EXOC4: variants seen among roughly 807,000 people sequenced by gnomAD.
The protein encoded by EXOC4 is SEC8-like 1.
EXOC4 carries 71 observed loss-of-function variants against 107.2 expected under a neutral mutation model. The ratio of observed to expected loss-of-function variants is 0.66; its 90% CI spans 0.55 to 0.81. The LOEUF is 0.81. Ranked by LOEUF, EXOC4 falls within the 30% of genes least tolerant of loss-of-function variation. The probability of loss-of-function intolerance (pLI) is 0.00; values close to 1 mark genes in which losing one functional copy is unlikely to be tolerated. For synonymous variants in EXOC4, 456 were observed against 441.2 expected, an observed-to-expected ratio of 1.03 and a Z score of -0.42; for missense variants, 1,108 against 1,189.6, an observed-to-expected ratio of 0.93 and a Z score of 1.01.
At chr7:133,892,807 G>C (rs531292176) in intron 11 of EXOC4, among the ~76,000 whole-genome samples, 4 of 145,188 alleles carry the variant, frequency 2.8e-5, no homozygotes, top group East Asian at 2.0e-4. Flanking sequence ...GTTATAATTT[G>C]TGTTCTTTTA....
chr7:134,069,922 G>C (rs1382028348), downstream of EXOC4, among the ~76,000 whole-genome samples: 1 of 152,212 alleles, frequency 6.6e-6, no homozygotes, highest in Non-Finnish European at 1.5e-5. Flanking sequence ...TAACCAATGA[G>C]AGAGACCAGG....
chr7:133,378,362 T>C (rs1440338363), intron 7 of EXOC4, among the ~76,000 whole-genome samples: 1 of 148,374 alleles, frequency 6.7e-6, no homozygotes, highest in African/African-American at 2.5e-5. Context: ...TACCAGATGG[T>C]AACTTAGATC....
At chr7:133,429,063 G>A (rs1797792568) in intron 7 of EXOC4, among the ~76,000 whole-genome samples, 1 of 152,150 alleles carries the variant, frequency 6.6e-6, no homozygotes, top group South Asian at 2.1e-4. Context: ...GGCGTGGTTT[G>A]AGAATAGGGA....
intron 10 of EXOC4, among the ~76,000 whole-genome samples, chr7:133,701,266 C>T (rs10808272): frequency 0.98 from 149,396 of 152,298 alleles, 73,369 homozygotes; most frequent in Middle Eastern, 1. Flanking sequence ...CAAGAGACTT[C>T]ATAATTCAGC....
At chr7:134,092,602 A>T in the EXOC4 span, among the ~76,000 whole-genome samples, 2 of 152,256 alleles carry the variant, frequency 1.3e-5, no homozygotes, top group East Asian at 3.9e-4. Flanking sequence ...TTCATATCCC[A>T]CCAAAGTAAG....
chr7:133,581,294 CT>C (rs1475598381), intron 9 of EXOC4, among the ~76,000 whole-genome samples: 1 of 152,182 alleles, frequency 6.6e-6, no homozygotes, highest in Non-Finnish European at 1.5e-5. Context: ...AGGAACAGCA[CT>C]TGTTTTAAAC....
At chr7:134,062,112 A>G (rs918857429) in intron 17 of EXOC4, among the ~76,000 whole-genome samples, 5 of 152,196 alleles carry the variant, frequency 3.3e-5, no homozygotes, top group Admixed American at 2.0e-4. Context: ...TAAAACCACT[A>G]TAGAAAATTA....
the EXOC4 span, among the ~76,000 whole-genome samples, chr7:134,073,223 AAAAAAAAAAC>A: frequency 4.3e-5 from 2 of 46,528 alleles, no homozygotes; most frequent in Non-Finnish European, 7.0e-5. Flanking sequence ...AAAAAAAAAA[AAAAAAAAAAC>A]AACAAAGAAA....
intron 11 of EXOC4, among the ~76,000 whole-genome samples, chr7:133,882,936 C>G (rs976531953): frequency 6.6e-6 from 1 of 152,176 alleles, no homozygotes; most frequent in African/African-American, 2.4e-5. Flanking sequence ...GTTAACCTTA[C>G]AAATTCTGAA....
intron 9 of EXOC4, among the ~76,000 whole-genome samples, chr7:133,563,465 T>G (rs1800847654): frequency 6.6e-6 from 1 of 152,236 alleles, no homozygotes. Context: ...TTTCCAATGT[T>G]GCCTGGGTCA....
intron 9 of EXOC4, among the ~76,000 whole-genome samples, chr7:133,565,017 G>A (rs1800879181): frequency 6.6e-6 from 1 of 152,164 alleles, no homozygotes; most frequent in Admixed American, 6.6e-5. Flanking sequence ...AATCGAATTT[G>A]GTGAATAGTG....
At chr7:134,078,834 TA>T in the EXOC4 span, among the ~76,000 whole-genome samples, 132 of 152,358 alleles carry the variant, frequency 8.7e-4, no homozygotes, top group Non-Finnish European at 1.3e-3. Flanking sequence ...ATTATTTTCA[TA>T]GGGGATATAG....
At chr7:133,351,458 A>G (rs1170118177) in intron 5 of EXOC4, among the ~76,000 whole-genome samples, 2 of 151,956 alleles carry the variant, frequency 1.3e-5, no homozygotes, top group Non-Finnish European at 2.9e-5. Flanking sequence ...CATTTCATCT[A>G]TGTTATATAA....
chr7:133,275,029 G>A lies in EXOC4; in HGVS notation c.134G>A (p.Gly45Asp), dbSNP rs774958278. Reference protein sequence around the residue: ...DDVEDRENEKGRLEEAYEKCD... With the variant: ...DDVEDRENEKDRLEEAYEKCD... ...GTCGAAGACAGGGAAAATGAAAAGG[G>A]TCGCCTTGAAGAAGCCTACGAGAAA... The change falls in exon 2 of 18, where the codon GGT becomes GAT. Residue 45 changes from glycine (G) to aspartate (D), a missense_variant. Coordinates refer to ENST00000253861, the MANE Select transcript of EXOC4 (RefSeq NM_021807.4). 1 of 1,613,576 alleles carries A rather than the reference G, an allele frequency of 6.2e-7. No individual in the cohort carries two copies. Among genetic ancestry groups the A allele is most frequent in the East Asian group, 2.2e-5 (1 of 44,882 alleles).
chr7:133,884,662 A>G (rs1446931773), intron 11 of EXOC4, among the ~76,000 whole-genome samples: 1 of 151,716 alleles, frequency 6.6e-6, no homozygotes, highest in Non-Finnish European at 1.5e-5. Context: ...GTCTGAAGTC[A>G]TAGACATATT....
At chr7:133,385,693 G>A (rs17167063) in intron 7 of EXOC4, among the ~76,000 whole-genome samples, 5 of 152,044 alleles carry the variant, frequency 3.3e-5, no homozygotes, top group Admixed American at 6.6e-5. Context: ...TGGAGAAACT[G>A]TGATGGGTTT....
intron 7 of EXOC4, among the ~76,000 whole-genome samples, chr7:133,460,453 A>T (rs1195690753): frequency 5.9e-5 from 9 of 152,196 alleles, no homozygotes. Flanking sequence ...CATTTGATTA[A>T]CCTTTTAAAT....
chr7:133,537,304 C>A (rs942187039), intron 9 of EXOC4, among the ~76,000 whole-genome samples: 3 of 149,184 alleles, frequency 2.0e-5, no homozygotes, highest in East Asian at 1.9e-4. Flanking sequence ...GCACCCCCCC[C>A]CCCACCACAC....
intron 11 of EXOC4, among the ~76,000 whole-genome samples, chr7:133,819,450 T>A (rs117824957): frequency 1.3e-5 from 2 of 152,222 alleles, no homozygotes; most frequent in East Asian, 3.9e-4. Context: ...CATATTATAA[T>A]GTCAGGCAGC....
Sources: allele counts gnomAD v4.1 joint callset (sites outside exome capture counted in the v4.1 genomes callset), GRCh38; gene constraint gnomAD v4.1.1; transcripts MANE v1.5; gene names NCBI Gene and HGNC (gene_info 2026-07-23, HGNC 2026-07-21).